PLCL1: variants seen among roughly 807,000 people sequenced by gnomAD.
PLCL1 encodes the protein inactive phospholipase C-like protein 1.
In PLCL1, 41 loss-of-function variants were observed where a neutral mutation model predicts 84.4. The ratio of observed to expected loss-of-function variants is 0.49; its 90% CI spans 0.38 to 0.63. The LOEUF is 0.63. Ranked by LOEUF, PLCL1 falls within the 30% of genes least tolerant of loss-of-function variation. The pLI is 0.00. For synonymous variants in PLCL1, 490 were observed against 488.3 expected (o/e 1.00, Z -0.05); for missense variants, 1,206 against 1,367.8 (o/e 0.88, Z 1.87).
chr2:198,001,962 G>A, intron 1 of PLCL1: 2 of 440,728 alleles, frequency 4.5e-6, no homozygotes, highest in Non-Finnish European at 9.1e-6. Context: ...ATGGGACTGT[G>A]TAGTTGCAGG....
chr2:197,902,153 C>T (rs1688280486), intron 1 of PLCL1, among the ~76,000 whole-genome samples: 1 of 152,130 alleles, frequency 6.6e-6, no homozygotes, highest in Non-Finnish European at 1.5e-5. Flanking sequence ...TGTTGGGGCA[C>T]TGAGCAGCCC....
chr2:198,015,016 A>G (rs1229452119), intron 1 of PLCL1, among the ~76,000 whole-genome samples: 1 of 152,118 alleles, frequency 6.6e-6, no homozygotes, highest in Non-Finnish European at 1.5e-5. Flanking sequence ...ATTTGTTTTA[A>G]TGTTTAAAAA....
chr2:198,118,276 C>T (rs926454335), intron 5 of PLCL1, among the ~76,000 whole-genome samples: 3 of 151,936 alleles, frequency 2.0e-5, no homozygotes, highest in East Asian at 1.9e-4. Flanking sequence ...CTAAATCATT[C>T]GGTCATCCTC....
intron 1 of PLCL1, among the ~76,000 whole-genome samples, chr2:197,858,402 G>A (rs1687368310): frequency 6.6e-6 from 1 of 152,150 alleles, no homozygotes; most frequent in Non-Finnish European, 1.5e-5. Context: ...TCACATGGCT[G>A]TTTTTATTAA....
intron 1 of PLCL1, among the ~76,000 whole-genome samples, chr2:198,070,613 T>C (rs929523270): frequency 5.3e-5 from 8 of 152,006 alleles, no homozygotes; most frequent in Non-Finnish European, 1.0e-4. Flanking sequence ...GTATTAGAAG[T>C]GCATTGACCA....
chr2:198,080,253 A>G (rs1692678482), intron 1 of PLCL1, among the ~76,000 whole-genome samples: 1 of 152,236 alleles, frequency 6.6e-6, no homozygotes, highest in Non-Finnish European at 1.5e-5. Flanking sequence ...AACCATTTTT[A>G]AGTGTATAGT....
At chr2:197,973,887 G>A (rs1248303348) in intron 1 of PLCL1, among the ~76,000 whole-genome samples, 1 of 152,198 alleles carries the variant, frequency 6.6e-6, no homozygotes, top group Non-Finnish European at 1.5e-5. Flanking sequence ...TGGTTCCTCT[G>A]GCTGCTAGGT....
intron 5 of PLCL1, among the ~76,000 whole-genome samples, chr2:198,119,137 A>G (rs1042820363): frequency 1.3e-5 from 2 of 152,010 alleles, no homozygotes; most frequent in African/African-American, 2.4e-5. Context: ...TAGTTGATTC[A>G]GTTTGTAACT....
chr2:197,940,552 C>A (rs1373387655), intron 1 of PLCL1, among the ~76,000 whole-genome samples: 1 of 152,194 alleles, frequency 6.6e-6, no homozygotes, highest in Non-Finnish European at 1.5e-5. Flanking sequence ...TAAGGCTTGA[C>A]AACAGCTGGC....
At chr2:197,947,954 G>A (rs189246966) in intron 1 of PLCL1, among the ~76,000 whole-genome samples, 3 of 152,290 alleles carry the variant, frequency 2.0e-5, no homozygotes, top group African/African-American at 4.8e-5. Context: ...TTAAGCAGTA[G>A]AGGACATAAT....
intron 5 of PLCL1, among the ~76,000 whole-genome samples, chr2:198,135,386 A>G (rs776314830): frequency 4.6e-5 from 7 of 152,176 alleles, no homozygotes; most frequent in East Asian, 1.9e-4. Context: ...GTCCTATCCT[A>G]TTAGTTCTGT....
intron 1 of PLCL1, among the ~76,000 whole-genome samples, chr2:197,897,468 T>G (rs6434943): frequency 0.73 from 110,561 of 151,750 alleles, 41,368 homozygotes; most frequent in African/African-American, 0.91. Context: ...ATAGCCATAG[T>G]GTCTTGGCTA....
chr2:198,010,852 TC>T (rs930280063), intron 1 of PLCL1, among the ~76,000 whole-genome samples: 8 of 151,878 alleles, frequency 5.3e-5, no homozygotes, highest in African/African-American at 1.7e-4. Context: ...TAGATCTGTT[TC>T]CGTCTTGATA....
intron 1 of PLCL1, among the ~76,000 whole-genome samples, chr2:197,814,536 A>G (rs1690650692): frequency 6.6e-6 from 1 of 152,214 alleles, no homozygotes; most frequent in Non-Finnish European, 1.5e-5. Flanking sequence ...AGTTCAGTTA[A>G]TAACCCTATA....
intron 1 of PLCL1, among the ~76,000 whole-genome samples, chr2:198,009,286 A>G (rs1261954670): frequency 6.6e-6 from 1 of 151,912 alleles, no homozygotes; most frequent in Admixed American, 6.6e-5. Context: ...CTTTACCCCT[A>G]TGTTTCTTTC....
Position 197,829,971 on chromosome 2 carries a change from A to G in PLCL1, c.240+24632A>G, listed in dbSNP as rs116052075. Among the ~76,000 whole-genome samples, 1,207 of 152,352 alleles carry G rather than the reference A, an allele frequency of 7.9e-3. 17 individuals are homozygous for G. Among genetic ancestry groups the G allele is most frequent in the African/African-American group, 0.028 (1,158 of 41,586 alleles). On this transcript the variant is annotated intron_variant, in intron 1 of 5. Transcript: ENST00000428675. ...CAAGTATAAATAAATGAAATCTAACAGTCACAAAATACCTTGAAACTGGAA... is the reference window on the plus strand; with the variant it reads ...CAAGTATAAATAAATGAAATCTAACGGTCACAAAATACCTTGAAACTGGAA...
intron 1 of PLCL1, among the ~76,000 whole-genome samples, chr2:197,820,921 A>G (rs1690802898): frequency 6.6e-6 from 1 of 152,144 alleles, no homozygotes; most frequent in South Asian, 2.1e-4. Flanking sequence ...TTATCTGATT[A>G]TGTTTGAAGC....
intron 5 of PLCL1, 147 bp downstream of exon 5, chr2:198,104,083 A>T: frequency 2.1e-6 from 1 of 476,464 alleles, no homozygotes; most frequent in Non-Finnish European, 3.8e-6. Context: ...CAGGTTTGTT[A>T]TATAGGTAAA....
chr2:198,052,204 G>A (rs1477177373), intron 1 of PLCL1, among the ~76,000 whole-genome samples: 3 of 151,780 alleles, frequency 2.0e-5, no homozygotes, highest in African/African-American at 4.8e-5. Flanking sequence ...GAGCCACCGC[G>A]CCCAGCCCCT....
Sources: allele counts gnomAD v4.1 joint callset (sites outside exome capture counted in the v4.1 genomes callset), GRCh38; gene constraint gnomAD v4.1.1; transcripts MANE v1.5; gene names NCBI Gene and HGNC (gene_info 2026-07-23, HGNC 2026-07-21).